The following PTPRT variants were observed in gnomAD, a reference collection of about 807,000 sequenced individuals.
PTPRT encodes the protein receptor-type tyrosine-protein phosphatase T.
In PTPRT, 56 loss-of-function variants were observed where a neutral mutation model predicts 176.8. The observed-to-expected ratio is 0.32, with a 90% CI of 0.26 to 0.40. PTPRT has a LOEUF of 0.40. PTPRT is among the 10% of genes least tolerant of loss of function. PTPRT has a pLI of 1.00. For missense variants in PTPRT, 1,540 were observed against 1,908.2 expected (o/e 0.81, Z 3.60); for synonymous variants, 783 against 739.0 (o/e 1.06, Z -0.96).
intron 23 of PTPRT, among the ~76,000 whole-genome samples, chr20:42,109,069 A>ACT (rs768646452): frequency 8.7e-4 from 132 of 152,222 alleles, no homozygotes; most frequent in Non-Finnish European, 2.2e-4. Flanking sequence ...CATGCAAAAC[A>ACT]TTTAGAGAGT....
intron 13 of PTPRT, among the ~76,000 whole-genome samples, chr20:42,269,767 C>T (rs540727132): frequency 1.8e-4 from 27 of 152,146 alleles, no homozygotes; most frequent in South Asian, 1.0e-3. Flanking sequence ...AATGGTGCCC[C>T]ATAAGGGGTA....
chr20:42,505,157 A>G (rs1237296292), intron 7 of PTPRT, among the ~76,000 whole-genome samples: 1 of 152,086 alleles, frequency 6.6e-6, no homozygotes, highest in Admixed American at 6.6e-5. Context: ...TCTGTGTATC[A>G]AGTGATTCTT....
the PTPRT span, among the ~76,000 whole-genome samples, chr20:42,040,587 G>T: frequency 6.6e-6 from 1 of 152,164 alleles, no homozygotes; most frequent in Non-Finnish European, 1.5e-5. Flanking sequence ...TTCACCATGA[G>T]ATGTCACCAA....
intron 1 of PTPRT, among the ~76,000 whole-genome samples, chr20:43,030,588 A>G (rs1986102784): frequency 6.6e-6 from 1 of 152,192 alleles, no homozygotes; most frequent in Non-Finnish European, 1.5e-5. Context: ...TGGACAGATG[A>G]AGAGTTAGAT....
At chr20:42,360,221 C>T (rs934498083) in intron 9 of PTPRT, among the ~76,000 whole-genome samples, 1 of 152,196 alleles carries the variant, frequency 6.6e-6, no homozygotes, top group African/African-American at 2.4e-5. Context: ...ACCAGACACA[C>T]TTTAGGTGAG....
intron 1 of PTPRT, among the ~76,000 whole-genome samples, chr20:42,923,995 C>T (rs949585053): frequency 6.6e-5 from 10 of 152,160 alleles, no homozygotes; most frequent in African/African-American, 2.4e-4. Flanking sequence ...CAGGCATGTG[C>T]CACCATGCCT....
chr20:42,293,219 T>C (rs969349490), intron 12 of PTPRT, among the ~76,000 whole-genome samples: 15 of 152,232 alleles, frequency 9.9e-5, no homozygotes, highest in African/African-American at 3.6e-4. Flanking sequence ...GTTTTATCTC[T>C]ACTTGCTGAC....
intron 1 of PTPRT, among the ~76,000 whole-genome samples, chr20:43,070,278 C>T (rs922412543): frequency 6.6e-6 from 1 of 152,094 alleles, no homozygotes; most frequent in Non-Finnish European, 1.5e-5. Context: ...CAATGAGATA[C>T]CATCTCACAC....
At chr20:43,082,924 C>T (rs561875008) in intron 1 of PTPRT, among the ~76,000 whole-genome samples, 1 of 152,200 alleles carries the variant, frequency 6.6e-6, no homozygotes, top group Admixed American at 6.5e-5. Context: ...AACCGACCAC[C>T]TGCTTCCTGC....
At position 43,058,205 on chromosome 20, in the gene PTPRT, TA is replaced by T. The variant is rs545232592; in HGVS notation, c.88+131440del. On this transcript the variant is annotated intron_variant, in intron 1 of 30. Transcript: ENST00000373187. ...CTGGTAGTTGCTTTATCTTACATAA[TA>T]AAAAAAGTAAGAGGGGAGGAAAAAA... is the stretch of plus-strand genomic sequence containing the variant. 2.8e-4 allele frequency among the ~76,000 whole-genome samples: 41 copies of T among 148,806 alleles called. 1 individual carries two copies. In the South Asian group the frequency reaches 7.5e-3, roughly 27 times the overall value.
chr20:43,124,284 T>G (rs2013365624), intron 1 of PTPRT, among the ~76,000 whole-genome samples: 1 of 152,260 alleles, frequency 6.6e-6, no homozygotes, highest in Admixed American at 6.5e-5. Context: ...AGTAATTCGA[T>G]AATTGTAAAT....
At chr20:42,640,293 A>C (rs938688642) in intron 7 of PTPRT, among the ~76,000 whole-genome samples, 3 of 152,234 alleles carry the variant, frequency 2.0e-5, no homozygotes, top group African/African-American at 7.2e-5. Context: ...ATTTTTGCTT[A>C]CATTTTAGTC....
chr20:42,917,526 G>A (rs1306726521), intron 1 of PTPRT, among the ~76,000 whole-genome samples: 3 of 152,128 alleles, frequency 2.0e-5, no homozygotes, highest in Non-Finnish European at 4.4e-5. Flanking sequence ...CATGGGGATG[G>A]CATTGAATCT....
chr20:42,583,596 A>T (rs1169893863), intron 7 of PTPRT, among the ~76,000 whole-genome samples: 7 of 152,116 alleles, frequency 4.6e-5, no homozygotes, highest in Non-Finnish European at 1.0e-4. Flanking sequence ...ACAAATACAA[A>T]CATGCACTCC....
chr20:42,275,289 C>T (rs865860645), intron 13 of PTPRT, among the ~76,000 whole-genome samples: 1 of 152,186 alleles, frequency 6.6e-6, no homozygotes, highest in Non-Finnish European at 1.5e-5. Flanking sequence ...TTATTTATAA[C>T]CCTTGTCTCT....
At chr20:42,890,756 G>A (rs1600525343) in intron 1 of PTPRT, among the ~76,000 whole-genome samples, 1 of 152,184 alleles carries the variant, frequency 6.6e-6, no homozygotes, top group African/African-American at 2.4e-5. Flanking sequence ...GCTTAGGGGA[G>A]ATTTATGGTT....
rs536218420 is a variant in PTPRT, at chr20:42,940,087, C to G, written c.89-54155G>C. Among the ~76,000 whole-genome samples, 7 of 152,244 alleles carry G rather than the reference C, an allele frequency of 4.6e-5. No individual in the cohort carries two copies. The East Asian group carries it at 1.4e-3, about 29-fold the overall frequency. The stretch of plus-strand genomic sequence containing the variant: ...ATTTAATCTTTAAAATATAATCCCC[C>G]CAGGAGATAGTCCTTATTACTTTAG... On this transcript the variant is annotated intron_variant, in intron 1 of 30. Coordinates refer to ENST00000373187, the MANE Select transcript of PTPRT (RefSeq NM_007050.6).
intron 1 of PTPRT, among the ~76,000 whole-genome samples, chr20:42,943,637 T>C (rs1207214961): frequency 6.6e-6 from 1 of 152,140 alleles, no homozygotes; most frequent in Non-Finnish European, 1.5e-5. Flanking sequence ...CTACAACCCC[T>C]TCTTCCTCCA....
At chr20:42,767,726 T>G (rs1489609495) in intron 5 of PTPRT, among the ~76,000 whole-genome samples, 1 of 146,342 alleles carries the variant, frequency 6.8e-6, no homozygotes. Flanking sequence ...TTATAAAATA[T>G]ATATTTTCTT....
Sources: gnomAD v4.1 joint callset for allele counts (sites outside exome capture counted in the v4.1 genomes callset) on GRCh38, gnomAD v4.1.1 for gene constraint, MANE v1.5 for transcripts, NCBI Gene and HGNC (gene_info 2026-07-23, HGNC 2026-07-21) for gene names.